Variants in LRRTM4 observed in about 807,000 individuals in gnomAD.
LRRTM4 encodes the protein leucine-rich repeat transmembrane neuronal protein 4.
Under a neutral mutation model 47.6 loss-of-function variants are expected in LRRTM4, and 25 were observed. The ratio of observed to expected loss-of-function variants is 0.53; its 90% CI spans 0.38 to 0.73. The LOEUF is 0.73. Among genes scored for constraint, LRRTM4 ranks in the 30% least tolerant of loss-of-function variants. The pLI is 0.00. For missense variants in LRRTM4, 638 were observed against 713.4 expected (o/e 0.89, Z 1.20); for synonymous variants, 311 against 269.5 (o/e 1.15, Z -1.51).
intron 3 of LRRTM4, among the ~76,000 whole-genome samples, chr2:77,438,779 T>C (rs1420954135): frequency 6.6e-6 from 1 of 152,200 alleles, no homozygotes; most frequent in Non-Finnish European, 1.5e-5. Flanking sequence ...CATAGGTATA[T>C]GCAAATACAT....
At chr2:77,294,738 A>T (rs750398857) in intron 3 of LRRTM4, among the ~76,000 whole-genome samples, 1 of 152,178 alleles carries the variant, frequency 6.6e-6, no homozygotes, top group Non-Finnish European at 1.5e-5. Flanking sequence ...AGCTAAAAAC[A>T]TTGCAATCAT....
At chr2:76,923,264 A>T (rs1453180049) in intron 3 of LRRTM4, among the ~76,000 whole-genome samples, 1 of 152,052 alleles carries the variant, frequency 6.6e-6, no homozygotes, top group Non-Finnish European at 1.5e-5. Context: ...AAAGTTCATG[A>T]AACCTCTTGC....
intron 3 of LRRTM4, among the ~76,000 whole-genome samples, chr2:76,780,113 G>T (rs951092452): frequency 2.0e-5 from 3 of 152,310 alleles, no homozygotes; most frequent in Admixed American, 6.5e-5. Context: ...GGCTTGCAGG[G>T]TTTCTGCCGA....
Position 76,795,747 on chromosome 2 carries a change from G to A in LRRTM4, c.1552-46831C>T, listed in dbSNP as rs149498094. ...TTCCTTTGGATACTCATTTTATGAGGCCAACATTACCCTGACACCAAAGCC... is the reference window on the plus strand; with the variant it reads ...TTCCTTTGGATACTCATTTTATGAGACCAACATTACCCTGACACCAAAGCC... On this transcript the variant is annotated intron_variant, in intron 3 of 3. Coordinates refer to ENST00000409884, the MANE Select transcript of LRRTM4 (RefSeq NM_001134745.3). 9.6e-3 allele frequency among the ~76,000 whole-genome samples: 1,462 copies of A among 152,136 alleles called. 11 individuals are homozygous for A. The highest frequency in any genetic ancestry group is 0.048 in the Middle Eastern group (14 of 294).
intron 3 of LRRTM4, among the ~76,000 whole-genome samples, chr2:76,907,295 G>A (rs997451878): frequency 4.4e-5 from 6 of 136,684 alleles, no homozygotes; most frequent in East Asian, 4.5e-4. Flanking sequence ...TTGAAACCAC[G>A]AGAACAAAGA....
intron 3 of LRRTM4, among the ~76,000 whole-genome samples, chr2:76,952,453 A>T (rs1235913608): frequency 6.6e-6 from 1 of 152,004 alleles, no homozygotes; most frequent in African/African-American, 2.4e-5. Context: ...CACTGTCTCT[A>T]ATCATCAGAG....
At chr2:77,424,361 G>C (rs1675024099) in intron 3 of LRRTM4, among the ~76,000 whole-genome samples, 1 of 152,172 alleles carries the variant, frequency 6.6e-6, no homozygotes, top group Non-Finnish European at 1.5e-5. Flanking sequence ...CATGGAAAGA[G>C]CTTTAGCTCT....
chr2:76,806,454 G>C (rs1353123921), intron 3 of LRRTM4, among the ~76,000 whole-genome samples: 1 of 152,066 alleles, frequency 6.6e-6, no homozygotes, highest in Non-Finnish European at 1.5e-5. Flanking sequence ...GGTAGCGCAC[G>C]CCTGTAATCC....
chr2:77,515,674 T>C (rs1320772190), intron 3 of LRRTM4, among the ~76,000 whole-genome samples: 1 of 151,834 alleles, frequency 6.6e-6, no homozygotes, highest in Non-Finnish European at 1.5e-5. Context: ...ACTAGTGATA[T>C]ATGAGACTTA....
At chr2:77,244,316 T>G (rs1276149543) in intron 3 of LRRTM4, among the ~76,000 whole-genome samples, 1 of 150,762 alleles carries the variant, frequency 6.6e-6, no homozygotes, top group Non-Finnish European at 1.5e-5. Flanking sequence ...AAATGGTATT[T>G]CTAGTTCTAG....
intron 3 of LRRTM4, among the ~76,000 whole-genome samples, chr2:77,077,770 T>C (rs895245510): frequency 6.6e-6 from 1 of 152,192 alleles, no homozygotes; most frequent in Admixed American, 6.5e-5. Flanking sequence ...AGTCTGTCTT[T>C]ATATGTGTGG....
intron 3 of LRRTM4, among the ~76,000 whole-genome samples, chr2:76,787,799 TTTCTGTCCAAGGAAAAAGCCAG>T (rs1674759926): frequency 6.6e-6 from 1 of 152,086 alleles, no homozygotes; most frequent in Admixed American, 6.6e-5. Context: ...TTGATTTTCT[TTTCTGTCCAAGGAAAAAGCCAG>T]TTTCTGTCAG....
intron 3 of LRRTM4, among the ~76,000 whole-genome samples, chr2:76,789,638 G>T (rs1674865720): frequency 6.6e-6 from 1 of 152,030 alleles, no homozygotes; most frequent in African/African-American, 2.4e-5. Context: ...CTACTCCATG[G>T]TTCCCGCTCC....
intron 3 of LRRTM4, among the ~76,000 whole-genome samples, chr2:77,505,587 G>A (rs147263477): frequency 0.016 from 2,465 of 151,464 alleles, 73 homozygotes; most frequent in African/African-American, 0.056. Context: ...ATATGTAGAA[G>A]TATAATAAAT....
intron 3 of LRRTM4, among the ~76,000 whole-genome samples, chr2:77,111,283 ATTTTTTTT>A (rs71381260): frequency 8.8e-6 from 1 of 113,168 alleles, no homozygotes; most frequent in East Asian, 2.7e-4. Context: ...ACACCTGGCT[ATTTTTTTT>A]TTTTTTTTTT....
At chr2:77,422,531 C>T (rs184070959) in intron 3 of LRRTM4, among the ~76,000 whole-genome samples, 6 of 152,230 alleles carry the variant, frequency 3.9e-5, no homozygotes, top group Admixed American at 3.3e-4. Flanking sequence ...GACACATCAA[C>T]CATTTGCAAG....
intron 3 of LRRTM4, among the ~76,000 whole-genome samples, chr2:76,810,830 A>G (rs1670710110): frequency 6.6e-6 from 1 of 152,196 alleles, no homozygotes; most frequent in South Asian, 2.1e-4. Context: ...TGCTTTCTCA[A>G]GGAATTAAAA....
chr2:77,479,683 T>G (rs1282292959), intron 3 of LRRTM4, among the ~76,000 whole-genome samples: 1 of 152,090 alleles, frequency 6.6e-6, no homozygotes, highest in African/African-American at 2.4e-5. Flanking sequence ...TTTCCTTCTC[T>G]CTCTCTCTCT....
At chr2:77,072,847 AG>A (rs912752215) in intron 3 of LRRTM4, among the ~76,000 whole-genome samples, 1 of 149,818 alleles carries the variant, frequency 6.7e-6, no homozygotes, top group African/African-American at 2.5e-5. Context: ...ACAGTTTCCA[AG>A]GTTTGTATGA....
Sources: gnomAD v4.1 joint callset for allele counts (sites outside exome capture counted in the v4.1 genomes callset) on GRCh38, gnomAD v4.1.1 for gene constraint, MANE v1.5 for transcripts, NCBI Gene and HGNC (gene_info 2026-07-23, HGNC 2026-07-21) for gene names.